NLRP14: variants seen among roughly 807,000 people sequenced by gnomAD.
The protein encoded by NLRP14 is NACHT, LRR and PYD domains-containing protein 14.
A neutral mutation model predicts 94.7 loss-of-function variants in NLRP14; 105 were observed. That is an observed-to-expected ratio of 1.11 (90% CI 0.95 to 1.30). The LOEUF is 1.30. Ranked by LOEUF, NLRP14 falls within the 50% of genes most tolerant of loss-of-function variation. The probability of loss-of-function intolerance (pLI) is 0.00; values close to 1 mark genes in which losing one functional copy is unlikely to be tolerated. For synonymous variants in NLRP14, 508 were observed against 459.9 expected (o/e 1.10, Z -1.34); for missense variants, 1,362 against 1,254.1 (o/e 1.09, Z -1.30).
In NLRP14 at chr11:7,049,791, A is replaced by T. The variant is rs764038471; in HGVS notation, c.2244A>T (p.Ser748=). The T allele has an allele frequency of 6.2e-7, 1 of 1,611,986 alleles. No individual in the cohort carries two copies. Among genetic ancestry groups the T allele is most frequent in the South Asian group, 1.1e-5 (1 of 91,044 alleles). Residue 748 remains serine (S), a synonymous_variant, in exon 6 of 12, where the codon TCA becomes TCT. Coordinates refer to ENST00000299481, the MANE Select transcript of NLRP14 (RefSeq NM_176822.4). ...GSDIGDNGVK[S]LCEALKHPEC... ...ATATAGGGGATAATGGAGTAAAGTCATTGTGTGAGGCCTTGAAACACCCAG... is the reference window on the plus strand; with the variant it reads ...ATATAGGGGATAATGGAGTAAAGTCTTTGTGTGAGGCCTTGAAACACCCAG...
chr11:7,071,158 C>G lies in NLRP14; in HGVS notation c.3147-15C>G, dbSNP rs1852789986. ...AATTGAATGCAGGAAAAGAGATGTT[C>G]CCTTGTTTTCTCAGGTTGTGCAAAG... On this transcript the variant is annotated splice_polypyrimidine_tract_variant and intron_variant, in intron 11 of 11. Coordinates refer to ENST00000299481, the MANE Select transcript of NLRP14 (RefSeq NM_176822.4). 3 of 1,613,602 alleles carry G rather than the reference C, an allele frequency of 1.9e-6. No individual in the cohort carries two copies. Among genetic ancestry groups the G allele is most frequent in the Non-Finnish European group, 2.5e-6 (3 of 1,179,850 alleles).
downstream of NLRP14, among the ~76,000 whole-genome samples, chr11:7,072,037 AAT>A (rs141836740): frequency 7.2e-3 from 1,089 of 152,272 alleles, 9 homozygotes; most frequent in Non-Finnish European, 0.012. Flanking sequence ...TGACACAATA[AAT>A]TTTGTGTGTG....
At chr11:7,090,159 G>T in the NLRP14 span, 6 of 1,613,882 alleles carry the variant, frequency 3.7e-6, no homozygotes, top group Non-Finnish European at 5.1e-6. Context: ...GGGCAGACCA[G>T]ATCGTGGGCT....
chr11:7,064,786 G>A (rs1852679453), intron 10 of NLRP14, among the ~76,000 whole-genome samples: 1 of 151,974 alleles, frequency 6.6e-6, no homozygotes, highest in Admixed American at 6.6e-5. Context: ...AATATATGTA[G>A]CTGTAAAGTT....
Position 7,049,714 on chromosome 11 carries a change from A to C in NLRP14, c.2167A>C (p.Thr723Pro), listed in dbSNP as rs771089427. 1 of 1,612,656 alleles carries C rather than the reference A, an allele frequency of 6.2e-7. No homozygotes were observed. Among genetic ancestry groups the C allele is most frequent in the African/African-American group, 1.3e-5 (1 of 75,016 alleles). The change falls in exon 6 of 12, where the codon ACT becomes CCT. Residue 723 changes from threonine to proline, a missense_variant. By Grantham distance (38) the Thr-to-Pro change is conservative (BLOSUM62 -1). Transcript: ENST00000299481. ...CCCTGATGGTTGTCAGGATATCTCT[A>C]CTTCTTTGATTCATAACAAGAATCT... ...TFPDGCQDIS[T>P]SLIHNKNLMH...
chr11:7,062,792 C>T (rs1455255548), intron 10 of NLRP14, among the ~76,000 whole-genome samples: 2 of 151,992 alleles, frequency 1.3e-5, no homozygotes, highest in African/African-American at 4.8e-5. Flanking sequence ...TTCAGATAGT[C>T]TACTTGTCTT....
intron 10 of NLRP14, among the ~76,000 whole-genome samples, chr11:7,064,402 C>G (rs1416980551): frequency 6.6e-6 from 1 of 152,064 alleles, no homozygotes; most frequent in African/African-American, 2.4e-5. Flanking sequence ...TTAGACTCCA[C>G]AGACCACATA....
At chr11:7,067,655 A>G (rs1363650556) in intron 10 of NLRP14, among the ~76,000 whole-genome samples, 1 of 152,176 alleles carries the variant, frequency 6.6e-6, no homozygotes, top group Admixed American at 6.5e-5. Context: ...TTTTTGGAGT[A>G]AAACCAACTT....
downstream of NLRP14, among the ~76,000 whole-genome samples, chr11:7,074,678 TGA>T (rs1852851527): frequency 1.3e-5 from 2 of 152,214 alleles, no homozygotes; most frequent in African/African-American, 4.8e-5. Context: ...ACAACCAAAA[TGA>T]GTGATTGAGG....
the NLRP14 span, chr11:7,090,447 T>C: frequency 9.2e-7 from 1 of 1,087,876 alleles, no homozygotes; most frequent in African/African-American, 1.6e-5. Context: ...TCCATTTTTA[T>C]GCTTTTGGGA....
At chr11:7,038,378 A>C (rs1356529489) in intron 1 of NLRP14, among the ~76,000 whole-genome samples, 188 bp from the exon 2 acceptor site, 1 of 152,234 alleles carries the variant, frequency 6.6e-6, no homozygotes. Context: ...ACAGTGGTCT[A>C]TATCAGAGGA....
chr11:7,079,848 A>G, the NLRP14 span, among the ~76,000 whole-genome samples: 3 of 152,200 alleles, frequency 2.0e-5, no homozygotes, highest in Non-Finnish European at 2.9e-5. Flanking sequence ...GGACCCCACA[A>G]TCTAAGCTGA....
chr11:7,077,282 CCAT>C, the NLRP14 span, among the ~76,000 whole-genome samples: 1 of 152,210 alleles, frequency 6.6e-6, no homozygotes, highest in South Asian at 2.1e-4. Context: ...ATTCTGGTCT[CCAT>C]CACCAGAGAA....
intron 9 of NLRP14, among the ~76,000 whole-genome samples, chr11:7,061,727 T>A (rs982432700): frequency 1.3e-5 from 2 of 152,000 alleles, no homozygotes; most frequent in African/African-American, 4.8e-5. Context: ...TGATGAAGAT[T>A]CTGTTATGTG....
the NLRP14 span, among the ~76,000 whole-genome samples, chr11:7,087,111 G>C: frequency 0.045 from 6,907 of 152,220 alleles, 296 homozygotes; most frequent in African/African-American, 0.11. Flanking sequence ...GGCCTGGATG[G>C]AGTCACACTC....
intron 1 of NLRP14, 51 bp from the exon 2 acceptor site, chr11:7,038,515 A>G (rs1008917790): frequency 5.7e-6 from 8 of 1,398,372 alleles, no homozygotes; most frequent in Middle Eastern, 2.5e-4. Flanking sequence ...TGTCTTTTTC[A>G]TGTGTCCCAT....
At chr11:7,077,177 G>T in the NLRP14 span, among the ~76,000 whole-genome samples, 2 of 152,166 alleles carry the variant, frequency 1.3e-5, no homozygotes, top group African/African-American at 4.8e-5. Flanking sequence ...CTGACCTTCC[G>T]CTCCTCCTCC....
chr11:7,062,429 C>A lies in NLRP14; in HGVS notation c.2901C>A (p.Asn967Lys), dbSNP rs114183300. The A allele has an allele frequency of 1.2e-6, 2 of 1,612,984 alleles. No individual in the cohort carries two copies. Among genetic ancestry groups the A allele is most frequent in the East Asian group, 2.2e-5 (1 of 44,866 alleles). Residue 967 changes from asparagine (N) to lysine (K), a missense_variant, in exon 10 of 12, where the codon AAC (asparagine) becomes AAA (lysine). Physicochemically the swap from Asn to Lys is moderately conservative, Grantham distance 94. Coordinates refer to ENST00000299481, the MANE Select transcript of NLRP14 (RefSeq NM_176822.4). Reference sequence around the variant, plus strand: ...TGAGGAGCCTGGACCTTGGGAACAACGATTTGCAGGATGATGGAGTGAAAA... The same window carrying A: ...TGAGGAGCCTGGACCTTGGGAACAAAGATTTGCAGGATGATGGAGTGAAAA... Reference protein sequence around the residue: ...PNLRSLDLGNNDLQDDGVKIL... With the variant: ...PNLRSLDLGNKDLQDDGVKIL...
the NLRP14 span, among the ~76,000 whole-genome samples, chr11:7,080,561 C>A: frequency 6.6e-6 from 1 of 152,188 alleles, no homozygotes. Flanking sequence ...GGAGTTCCCA[C>A]AGAAACAATT....
Sources: gnomAD v4.1 joint callset for allele counts (sites outside exome capture counted in the v4.1 genomes callset) on GRCh38, gnomAD v4.1.1 for gene constraint, MANE v1.5 for transcripts, NCBI Gene and HGNC (gene_info 2026-07-23, HGNC 2026-07-21) for gene names.